The following STON2 variants were observed in gnomAD, a reference collection of about 807,000 sequenced individuals.
The protein encoded by STON2 is stonin 2.
STON2 carries 29 observed loss-of-function variants against 65.7 expected under a neutral mutation model. That is an observed-to-expected ratio of 0.44 (90% confidence interval 0.33 to 0.60). STON2 has a LOEUF of 0.60. Ranked by LOEUF, STON2 falls within the 20% of genes least tolerant of loss-of-function variation. The pLI is 0.03. For synonymous variants in STON2, 404 were observed against 414.2 expected, an observed-to-expected ratio of 0.98 and a Z score of 0.30; for missense variants, 1,054 against 1,118.1, an observed-to-expected ratio of 0.94 and a Z score of 0.82.
At chr14:81,356,155 A>G (rs2140327435) in intron 4 of STON2, among the ~76,000 whole-genome samples, 1 of 152,302 alleles carries the variant, frequency 6.6e-6, no homozygotes, top group Non-Finnish European at 1.5e-5. Context: ...TGTCATAGAT[A>G]GCTCTTATTA....
rs59359589 is a variant in STON2 at position 81,263,537 on chromosome 14, CAAAAAAA to C, written c.*4870_*4876del. ...TGGGTGACAGACTGAGACTCCGTCT[CAAAAAAA>C]AAAAAAAAAAAAAAAACAAAAAAGA... On this transcript the variant is annotated 3_prime_UTR_variant, in exon 8 of 8. Coordinates refer to ENST00000614646, the MANE Select transcript of STON2 (RefSeq NM_001394390.1). 5 of 81,044 alleles carry C rather than the reference CAAAAAAA, an allele frequency of 6.2e-5. No homozygotes were observed. Among genetic ancestry groups the C allele is most frequent in the South Asian group, 6.6e-4 (1 of 1,518 alleles). 5.0% of individuals were successfully genotyped at this position (81,044 alleles called of 1,614,324 possible).
intron 3 of STON2, among the ~76,000 whole-genome samples, chr14:81,387,753 A>G (rs1235343671): frequency 6.6e-6 from 1 of 151,034 alleles, no homozygotes; most frequent in African/African-American, 2.4e-5. Flanking sequence ...TTAGCCAGGC[A>G]TGGTGGCGGG....
intron 3 of STON2, among the ~76,000 whole-genome samples, chr14:81,389,270 T>C (rs1040544463): frequency 8.5e-5 from 13 of 152,236 alleles, no homozygotes; most frequent in African/African-American, 2.9e-4. Context: ...CTTTTTTTCC[T>C]GGCTGAAATT....
chr14:81,290,549 A>G (rs1895515937), intron 5 of STON2, among the ~76,000 whole-genome samples: 1 of 149,678 alleles, frequency 6.7e-6, no homozygotes, highest in African/African-American at 2.4e-5. Flanking sequence ...TTTCCAGGAG[A>G]AACTCAAGAA....
rs983201729 is a variant in STON2 at position 81,264,004 on chromosome 14, G to A, written c.*4410C>T. 11 of 985,240 alleles carry A rather than the reference G, an allele frequency of 1.1e-5. No individual in the cohort carries two copies. The highest frequency in any genetic ancestry group is 7.0e-5 in the African/African-American group (4 of 57,196). The allele number at this position is 985,240 out of a possible 1,614,324, so 61.0% of individuals were successfully genotyped here. On this transcript the variant is annotated 3_prime_UTR_variant, in exon 8 of 8. Coordinates refer to ENST00000614646, the MANE Select transcript of STON2 (RefSeq NM_001394390.1). ...AAAGTAACGGTCAGCGGTTAGTGCT[G>A]GAAGAACAAAGACCTACTGCATGAA...
At chr14:81,333,484 G>A (rs1227748811) in intron 4 of STON2, 5 of 255,906 alleles carry the variant, frequency 2.0e-5, no homozygotes, top group South Asian at 6.4e-5. Flanking sequence ...TTTTGCTGAC[G>A]AAGAAAACAA....
intron 4 of STON2, among the ~76,000 whole-genome samples, chr14:81,325,823 A>G (rs901363754): frequency 6.6e-6 from 1 of 152,204 alleles, no homozygotes; most frequent in African/African-American, 2.4e-5. Flanking sequence ...GGTCTGCAAT[A>G]GGGGCCACAG....
At chr14:81,310,650 A>C (rs1234382084) in intron 5 of STON2, among the ~76,000 whole-genome samples, 1 of 152,184 alleles carries the variant, frequency 6.6e-6, no homozygotes, top group African/African-American at 2.4e-5. Context: ...TTTTATATAC[A>C]CATCTCATTT....
At chr14:81,368,434 C>T (rs1052405343) in intron 4 of STON2, among the ~76,000 whole-genome samples, 1 of 152,252 alleles carries the variant, frequency 6.6e-6, no homozygotes, top group Non-Finnish European at 1.5e-5. Flanking sequence ...GAGGATGGGG[C>T]CAGGCATGGT....
In STON2 at chr14:81,263,232, C is replaced by G. The variant is rs1175079460; in HGVS notation, c.*5182G>C. On this transcript the variant is annotated 3_prime_UTR_variant, in exon 8 of 8. Transcript: ENST00000614646. Reference sequence around the variant, plus strand: ...ATGTGGCCCAAGACAAATTCGTAAACTTTCTTAAAACATTATGCTATTTTG... The same window carrying G: ...ATGTGGCCCAAGACAAATTCGTAAAGTTTCTTAAAACATTATGCTATTTTG... The G allele has an allele frequency of 1.1e-6, 1 of 928,364 alleles. No individual in the cohort carries two copies. 57.5% of individuals were successfully genotyped at this position (928,364 alleles called of 1,614,324 possible). A position where few individuals can be genotyped will look rare whatever the true frequency, so the allele number is the denominator to read the frequency against.
intron 3 of STON2, among the ~76,000 whole-genome samples, chr14:81,378,174 AC>A (rs2140386307): frequency 6.7e-6 from 1 of 149,438 alleles, no homozygotes; most frequent in South Asian, 2.1e-4. Context: ...GGAACTTTTT[AC>A]TGTTGGGTTT....
intron 2 of STON2, among the ~76,000 whole-genome samples, chr14:81,417,895 G>A (rs1183027069): frequency 1.3e-5 from 2 of 152,070 alleles, no homozygotes; most frequent in African/African-American, 4.8e-5. Context: ...AAAACCAGAG[G>A]GCTCCAGGCT....
At chr14:81,358,643 G>A (rs1348455679) in intron 4 of STON2, among the ~76,000 whole-genome samples, 2 of 151,994 alleles carry the variant, frequency 1.3e-5, no homozygotes, top group African/African-American at 4.8e-5. Flanking sequence ...CTATATGCTG[G>A]GTCACCTCCC....
intron 3 of STON2, among the ~76,000 whole-genome samples, chr14:81,379,010 T>C (rs1899387798): frequency 1.3e-5 from 2 of 152,174 alleles, no homozygotes; most frequent in African/African-American, 2.4e-5. Context: ...TCCTCTCTTC[T>C]GTTCAACATC....
intron 2 of STON2, among the ~76,000 whole-genome samples, chr14:81,424,483 CAG>C (rs1901870158): frequency 8.0e-6 from 1 of 124,772 alleles, no homozygotes; most frequent in South Asian, 2.6e-4. Flanking sequence ...TTATTATAAA[CAG>C]AATACACTCT....
rs184899128 is a variant in STON2, at chr14:81,355,628, T to C, written c.571+15360A>G. On this transcript the variant is annotated intron_variant, in intron 4 of 7. Transcript: ENST00000614646. ...GTTCATTGCCAGTATGCCTACCTTA[T>C]AGGTACTGATAAGTGAAGTTTTTAA... Among the ~76,000 whole-genome samples, 3 of 152,350 alleles carry C rather than the reference T, an allele frequency of 2.0e-5. No homozygotes were observed. In the East Asian group the frequency reaches 5.8e-4, roughly 29 times the overall value.
chr14:81,332,430 T>C (rs1897246127), intron 4 of STON2, among the ~76,000 whole-genome samples: 1 of 152,206 alleles, frequency 6.6e-6, no homozygotes. Context: ...AACCATTTTC[T>C]TTTTAGATTT....
chr14:81,276,844 A>G, intron 6 of STON2, 57 bp downstream of exon 6: 2 of 1,551,616 alleles, frequency 1.3e-6, no homozygotes, highest in Non-Finnish European at 1.7e-6. Flanking sequence ...TGGAACTTTG[A>G]TCTCAGCTTT....
chr14:81,311,450 A>G (rs55744181), intron 5 of STON2, among the ~76,000 whole-genome samples: 119,763 of 152,120 alleles, frequency 0.79, 47,290 homozygotes, highest in African/African-American at 0.8. Flanking sequence ...TCTCTTCAAG[A>G]TATTATTAAA....
Sources: gnomAD v4.1 joint callset for allele counts (sites outside exome capture counted in the v4.1 genomes callset) on GRCh38, gnomAD v4.1.1 for gene constraint, MANE v1.5 for transcripts, NCBI Gene and HGNC (gene_info 2026-07-23, HGNC 2026-07-21) for gene names.